The following MTUS1 variants were observed in gnomAD, a reference collection of about 807,000 sequenced individuals.
MTUS1 encodes the protein microtubule-associated tumor suppressor 1.
In MTUS1, 109 loss-of-function variants were observed where a neutral mutation model predicts 120.8. That is an observed-to-expected ratio of 0.90 (90% CI 0.77 to 1.06). The LOEUF (loss-of-function observed/expected upper bound fraction) is 1.06. Among genes scored for constraint, MTUS1 ranks in the 50% least tolerant of loss-of-function variants. MTUS1 has a pLI of 0.00. For synonymous variants in MTUS1, 737 were observed against 550.5 expected, an observed-to-expected ratio of 1.34 and a Z score of -4.74; for missense variants, 2,210 against 1,486.3, an observed-to-expected ratio of 1.49 and a Z score of -8.01.
At chr8:17,764,719 C>T (rs987561774) in intron 1 of MTUS1, among the ~76,000 whole-genome samples, 3 of 152,186 alleles carry the variant, frequency 2.0e-5, no homozygotes, top group African/African-American at 7.2e-5. Flanking sequence ...TGAACAAGCG[C>T]AACTGCATCC....
rs1299579652 is a variant in MTUS1 at position 17,653,219 on chromosome 8, T to G, written c.3351A>C (p.Glu1117Asp). The G allele has an allele frequency of 5.8e-6, 9 of 1,555,456 alleles. No homozygotes were observed. The highest frequency in any genetic ancestry group is 1.4e-5 in the African/African-American group (1 of 72,692). Residue 1117 changes from glutamate to aspartate, a missense_variant, in exon 12 of 15, where the codon GAA (glutamate) becomes GAC (aspartate). By Grantham distance (45) the Glu-to-Asp change is conservative. Coordinates refer to ENST00000693296, the MANE Select transcript of MTUS1 (RefSeq NM_001363059.2). ...CTTTTTCTCTTGCTCTTCTTTTTTG[T>G]TCTTCTGATTTCAATTTTTCATTTA... ...DALNEKLKSEEQKRRAREKAN... is the reference protein window; with the variant it reads ...DALNEKLKSEDQKRRAREKAN...
At chr8:17,655,367 TAGAA>T (rs954254255) in intron 9 of MTUS1, among the ~76,000 whole-genome samples, 7 of 152,074 alleles carry the variant, frequency 4.6e-5, no homozygotes, top group East Asian at 1.9e-4. Context: ...TATTTCTGGG[TAGAA>T]AGAAAGGGTT....
rs200794917 is a variant in MTUS1, at chr8:17,755,665, G to C, written c.143C>G (p.Ser48Cys). ...NSSASSVNWN[S>C]ANPDDMVVDY... ...AACCACCATGTCATCTGGGTTGGCA[G>C]AATTCCAGTTCACACTGCTGGCTGA... Residue 48 changes from serine (S) to cysteine (C), a missense_variant, in exon 2 of 15, where the codon TCT (serine) becomes TGT (cysteine). By Grantham distance (112) the Ser-to-Cys change is moderately radical. Coordinates refer to ENST00000693296, the MANE Select transcript of MTUS1 (RefSeq NM_001363059.2). 49 of 1,614,124 alleles carry C rather than the reference G, an allele frequency of 3.0e-5. No individual in the cohort carries two copies. In the African/African-American group the frequency reaches 6.3e-4, roughly 21 times the overall value.
chr8:17,693,878 G>A (rs559110590), intron 6 of MTUS1, among the ~76,000 whole-genome samples: 2 of 152,066 alleles, frequency 1.3e-5, no homozygotes, highest in African/African-American at 2.4e-5. Context: ...CTCATCTAAC[G>A]GGTACTTCTT....
In MTUS1 at chr8:17,754,809, C is replaced by G. The variant is rs199816797; in HGVS notation, c.999G>C (p.Met333Ile). Reference sequence around the variant, plus strand: ...ACACTGTCTCTCTCAGATTTTGGCCCATTTCCTTGTGCCTGTATGAGCTCT... The same window carrying G: ...ACACTGTCTCTCTCAGATTTTGGCCGATTTCCTTGTGCCTGTATGAGCTCT... ...HSQSSYRHKE[M>I]GQNLRETVSY... Residue 333 changes from methionine to isoleucine, a missense_variant, in exon 2 of 15, where the codon ATG (methionine) becomes ATC (isoleucine). Coordinates refer to ENST00000693296, the MANE Select transcript of MTUS1 (RefSeq NM_001363059.2). 1 of 1,614,200 alleles carries G rather than the reference C, an allele frequency of 6.2e-7. No individual in the cohort carries two copies. The highest frequency in any genetic ancestry group is 8.5e-7 in the Non-Finnish European group (1 of 1,180,044).
At chr8:17,739,310 A>G (rs548046390) in intron 3 of MTUS1, among the ~76,000 whole-genome samples, 29 of 151,942 alleles carry the variant, frequency 1.9e-4, no homozygotes, top group Non-Finnish European at 4.0e-4. Flanking sequence ...CCTGACCAAC[A>G]TGGAGAAACC....
intron 1 of MTUS1, among the ~76,000 whole-genome samples, chr8:17,786,572 CT>C (rs2051319035): frequency 6.9e-5 from 1 of 14,422 alleles, no homozygotes. Context: ...ACTGAGTTAT[CT>C]TGAGGTTGCC....
intron 1 of MTUS1, among the ~76,000 whole-genome samples, chr8:17,794,644 G>T (rs962219470): frequency 2.6e-5 from 4 of 152,168 alleles, no homozygotes; most frequent in African/African-American, 9.7e-5. Context: ...TTGGCTTAGG[G>T]TCACAGTAAT....
At chr8:17,752,839 C>T (rs911672903) in intron 2 of MTUS1, among the ~76,000 whole-genome samples, 7 of 152,160 alleles carry the variant, frequency 4.6e-5, no homozygotes, top group Non-Finnish European at 8.8e-5. Context: ...ACACCTAAGT[C>T]CCCACTGCCA....
chr8:17,665,630 G>A (rs1235533695), intron 8 of MTUS1, among the ~76,000 whole-genome samples: 2 of 152,084 alleles, frequency 1.3e-5, no homozygotes, highest in African/African-American at 4.8e-5. Context: ...CAAAGTGCTG[G>A]AATTACTGGC....
intron 13 of MTUS1, among the ~76,000 whole-genome samples, chr8:17,647,480 C>T (rs1212189396): frequency 6.6e-6 from 1 of 152,060 alleles, no homozygotes; most frequent in Admixed American, 6.5e-5. Flanking sequence ...AAAAGATTCC[C>T]ACATCTGATG....
chr8:17,664,464 C>T lies in MTUS1; in HGVS notation c.2906-8399G>A, dbSNP rs183787652. 1.1e-3 allele frequency among the ~76,000 whole-genome samples: 171 copies of T among 151,600 alleles called. 2 individuals are homozygous for T. The highest frequency in any genetic ancestry group is 2.7e-3 in the African/African-American group (110 of 41,290). Reference sequence around the variant, plus strand: ...GTGGCGACTCTCCCCCACCCCACCCCGAAATCCCCCTCTCTGCACCATCTA... The same window carrying T: ...GTGGCGACTCTCCCCCACCCCACCCTGAAATCCCCCTCTCTGCACCATCTA... On this transcript the variant is annotated intron_variant, in intron 8 of 14. Transcript: ENST00000693296.
chr8:17,756,652 A>G (rs944765409), intron 1 of MTUS1, among the ~76,000 whole-genome samples: 2 of 135,878 alleles, frequency 1.5e-5, no homozygotes, highest in African/African-American at 5.7e-5. Context: ...CCCCTCTCCA[A>G]TTCATATGTC....
At position 17,715,727 on chromosome 8, in the gene MTUS1, C is replaced by T. The variant is rs760127513; in HGVS notation, c.2584+40G>A. 7.7e-6 allele frequency: 12 copies of T among 1,560,994 alleles called. No individual in the cohort carries two copies. The African/African-American group carries it at 1.1e-4, about 14-fold the overall frequency. ...CTTTCTACAAGCCAAGGACTTTAAG[C>T]GTCTTGCCCTCCCTCTTCAAACCAC... is the stretch of plus-strand genomic sequence containing the variant. On this transcript the variant is annotated intron_variant, in intron 5 of 14. Coordinates refer to ENST00000693296, the MANE Select transcript of MTUS1 (RefSeq NM_001363059.2).
intron 3 of MTUS1, among the ~76,000 whole-genome samples, chr8:17,741,935 C>G (rs994645377): frequency 1.3e-5 from 2 of 152,100 alleles, no homozygotes; most frequent in Non-Finnish European, 2.9e-5. Context: ...CGTATTGGGG[C>G]CAGAGTGGAA....
In MTUS1 at chr8:17,684,498, G is replaced by T. The variant is rs201957190; in HGVS notation, c.2668C>A (p.Pro890Thr). The change falls in exon 7 of 15, where the codon CCA becomes ACA. Residue 890 changes from proline to threonine, a missense_variant. Coordinates refer to ENST00000693296, the MANE Select transcript of MTUS1 (RefSeq NM_001363059.2). The part of the protein sequence containing the change: ...QKNPRSLCIQ[P>T]QTAPDALPPE... ...GGCAGCGCATCGGGAGCTGTCTGTG[G>T]CTGGATACATAAGCTTCGAGGATTC... is the stretch of plus-strand genomic sequence containing the variant. 3 of 1,613,996 alleles carry T rather than the reference G, an allele frequency of 1.9e-6. No homozygotes were observed. The African/African-American group carries it at 4.0e-5, about 22-fold the overall frequency.
At chr8:17,682,688 AAC>A (rs1814821710) in intron 7 of MTUS1, among the ~76,000 whole-genome samples, 1 of 152,096 alleles carries the variant, frequency 6.6e-6, no homozygotes, top group Admixed American at 6.6e-5. Flanking sequence ...AAGGAGAGAA[AAC>A]AGTTGAGGAT....
At chr8:17,655,829 G>A (rs1485122855) in intron 9 of MTUS1, 34 bp downstream of exon 9, 2 of 1,591,058 alleles carry the variant, frequency 1.3e-6, no homozygotes, top group East Asian at 2.2e-5. Context: ...AGCAGCAGAG[G>A]CCTCAGACAA....
chr8:17,723,924 A>G, intron 3 of MTUS1, 91 bp from the exon 4 acceptor site: 1 of 1,034,836 alleles, frequency 9.7e-7, no homozygotes, highest in Admixed American at 2.4e-5. Flanking sequence ...TTCTGCACTA[A>G]CAACAAAGTC....
Sources: allele counts gnomAD v4.1 joint callset (sites outside exome capture counted in the v4.1 genomes callset), GRCh38; gene constraint gnomAD v4.1.1; transcripts MANE v1.5; gene names NCBI Gene and HGNC (gene_info 2026-07-23, HGNC 2026-07-21).